Variants in HCK observed in about 807,000 individuals in gnomAD.
HCK encodes tyrosine-protein kinase HCK.
Under a neutral mutation model 70.4 loss-of-function variants are expected in HCK, and 40 were observed. The ratio of observed to expected loss-of-function variants is 0.57; its 90% CI spans 0.44 to 0.74. The LOEUF is 0.74. HCK is among the 30% of genes least tolerant of loss of function. The probability of loss-of-function intolerance (pLI) is 0.00; values close to 1 mark genes in which losing one functional copy is unlikely to be tolerated. For missense variants in HCK, 568 were observed against 697.2 expected (o/e 0.81, Z 2.09); for synonymous variants, 245 against 263.2 (o/e 0.93, Z 0.67).
chr20:32,096,804 C>T (rs2045962752), intron 11 of HCK, among the ~76,000 whole-genome samples: 1 of 152,064 alleles, frequency 6.6e-6, no homozygotes, highest in African/African-American at 2.4e-5. Flanking sequence ...GCACAGGCTG[C>T]AGTCACCTTA....
chr20:32,096,491 C>T (rs1362092293), intron 11 of HCK, among the ~76,000 whole-genome samples: 1 of 108,872 alleles, frequency 9.2e-6, no homozygotes, highest in Admixed American at 1.1e-4. Context: ...TAGAGCGAGA[C>T]TCCGTCTCAA....
At chr20:32,069,281 C>T (rs938010149) in intron 1 of HCK, among the ~76,000 whole-genome samples, 2 of 152,202 alleles carry the variant, frequency 1.3e-5, no homozygotes, top group Admixed American at 6.5e-5. Context: ...ACCCCTCCCT[C>T]GGGACCCTGT....
At position 32,071,682 on chromosome 20, in the gene HCK, A is replaced by G. The variant is rs1229373172; in HGVS notation, c.83A>G (p.Lys28Arg). ...TGCAGGATGGGGTGCATGAAGTCCAAGTTCCTCCAGGTCGGAGGCAATACA... is the reference window on the plus strand; with the variant it reads ...TGCAGGATGGGGTGCATGAAGTCCAGGTTCCTCCAGGTCGGAGGCAATACA... Residue 28 changes from lysine to arginine, a missense_variant, in exon 2 of 13, where the codon AAG (lysine) becomes AGG (arginine). By Grantham distance (26) the Lys-to-Arg change is conservative. Coordinates refer to ENST00000375852, the MANE Select transcript of HCK (RefSeq NM_002110.5). 3 of 1,614,046 alleles carry G rather than the reference A, an allele frequency of 1.9e-6. No homozygotes were observed. Among genetic ancestry groups the G allele is most frequent in the East Asian group, 4.5e-5 (2 of 44,894 alleles).
At chr20:32,095,056 C>T (rs1002994748) in intron 11 of HCK, among the ~76,000 whole-genome samples, 1 of 152,212 alleles carries the variant, frequency 6.6e-6, no homozygotes, top group Admixed American at 6.5e-5. Flanking sequence ...GGAAACAACA[C>T]TCTTTAATGT....
At chr20:32,073,614 A>G in intron 3 of HCK, 102 bp from the exon 4 acceptor site, 1 of 746,776 alleles carries the variant, frequency 1.3e-6, no homozygotes, top group South Asian at 1.7e-5. Context: ...TTGGAACCAC[A>G]TATCGATGGG....
intron 10 of HCK, 43 bp from the exon 11 acceptor site, chr20:32,093,820 T>A (rs371194110): frequency 6.4e-7 from 1 of 1,571,750 alleles, no homozygotes; most frequent in Non-Finnish European, 8.6e-7. Context: ...CATCTTGGCG[T>A]AGGCCAGGTC....
At chr20:32,059,432 T>TC (rs1555874089) in intron 1 of HCK, among the ~76,000 whole-genome samples, 1 of 147,566 alleles carries the variant, frequency 6.8e-6, no homozygotes, top group Non-Finnish European at 1.5e-5. Flanking sequence ...TTTCTTTCTT[T>TC]TTTCTTTCTT....
intron 1 of HCK, among the ~76,000 whole-genome samples, chr20:32,058,033 C>G (rs897188130): frequency 1.3e-5 from 2 of 152,190 alleles, no homozygotes; most frequent in Non-Finnish European, 2.9e-5. Flanking sequence ...TTCCAGGCAT[C>G]ACCCTGAAAT....
chr20:32,086,938 T>C (rs2122588553), intron 9 of HCK, 131 bp downstream of exon 9: 1 of 742,108 alleles, frequency 1.3e-6, no homozygotes, highest in East Asian at 3.0e-5. Flanking sequence ...CAACAAGTAC[T>C]CATTGAGAAT....
At chr20:32,062,844 G>A (rs894615005) in intron 1 of HCK, among the ~76,000 whole-genome samples, 1 of 152,184 alleles carries the variant, frequency 6.6e-6, no homozygotes, top group African/African-American at 2.4e-5. Flanking sequence ...GCACCCCCAA[G>A]GCACTGCTCA....
Position 32,094,793 on chromosome 20 carries a change from GAA to G in HCK, c.1246+779_1246+780del, listed in dbSNP as rs367924247. On this transcript the variant is annotated intron_variant, in intron 11 of 12. Coordinates refer to ENST00000375852, the MANE Select transcript of HCK (RefSeq NM_002110.5). ...AGAAAGAAAGAGAGAGAAAGAGAAA[GAA>G]AGAAAGAAAGAAAGAAAGAAAGAAA... Among the ~76,000 whole-genome samples the G allele has an allele frequency of 9.0e-3, 179 of 19,878 alleles. 2 individuals are homozygous for G. Among genetic ancestry groups the G allele is most frequent in the South Asian group, 0.045 (26 of 576 alleles). The allele number at this position is 19,878 out of a possible 152,430, so 13.0% of individuals were successfully genotyped here. A position where few individuals can be genotyped will look rare whatever the true frequency, so the allele number is the denominator to read the frequency against.
At chr20:32,094,837 G>GA (rs1183531668) in intron 11 of HCK, among the ~76,000 whole-genome samples, 4 of 113,254 alleles carry the variant, frequency 3.5e-5, no homozygotes, top group African/African-American at 1.3e-4. Context: ...AAGAAAGAAA[G>GA]AAAGAAAGAA....
chr20:32,089,602 C>A (rs1288225778), intron 10 of HCK, among the ~76,000 whole-genome samples: 2 of 152,182 alleles, frequency 1.3e-5, no homozygotes, highest in Non-Finnish European at 2.9e-5. Flanking sequence ...ATCGCAAAAA[C>A]ACTGCTGAAA....
chr20:32,083,925 C>T lies in HCK; in HGVS notation c.564C>T (p.Asp188=). 1.2e-6 allele frequency: 2 copies of T among 1,614,226 alleles called. No homozygotes were observed. The highest frequency in any genetic ancestry group is 1.7e-6 in the Non-Finnish European group (2 of 1,180,032). The change falls in exon 7 of 13, where the codon GAC becomes GAT. Residue 188 remains aspartate, a synonymous_variant. Transcript: ENST00000375852. ...ACTCTTTGTCCGTGCGAGACTACGA[C>T]CCTCGGCAGGGAGATACCGTGAAAC...
rs572966555 is a variant in HCK, at chr20:32,054,698, G to T, written c.62+2212G>T. Among the ~76,000 whole-genome samples the T allele has an allele frequency of 2.0e-3, 309 of 151,482 alleles. 1 individual carries two copies. Among genetic ancestry groups the T allele is most frequent in the African/African-American group, 7.2e-3 (297 of 41,302 alleles). Reference sequence around the variant, plus strand: ...GCGGGCGCCTGTAGTCCCAGCTACTGGGGAGGCTGAGGCAGGAGAATGGCG... The same window carrying T: ...GCGGGCGCCTGTAGTCCCAGCTACTTGGGAGGCTGAGGCAGGAGAATGGCG... On this transcript the variant is annotated intron_variant, in intron 1 of 12. Coordinates refer to ENST00000375852, the MANE Select transcript of HCK (RefSeq NM_002110.5).
In HCK at chr20:32,053,374, A is replaced by T. The variant is rs529239628; in HGVS notation, c.62+888A>T. ...CTGAAGGGGCCGGGCAGGGTGGCACACGCCTGTAATCTCAGCTTTTTGGGA... is the reference window on the plus strand; with the variant it reads ...CTGAAGGGGCCGGGCAGGGTGGCACTCGCCTGTAATCTCAGCTTTTTGGGA... On this transcript the variant is annotated intron_variant, in intron 1 of 12. Coordinates refer to ENST00000375852, the MANE Select transcript of HCK (RefSeq NM_002110.5). Among the ~76,000 whole-genome samples the T allele has an allele frequency of 1.4e-4, 21 of 152,158 alleles. 2 individuals carry two copies. The South Asian group carries it at 4.2e-3, about 30-fold the overall frequency.
intron 5 of HCK, among the ~76,000 whole-genome samples, chr20:32,078,117 C>T (rs2045654255): frequency 6.6e-6 from 1 of 151,772 alleles, no homozygotes; most frequent in South Asian, 2.1e-4. Flanking sequence ...TCACTGCAAG[C>T]TCCACCTCCC....
intron 1 of HCK, among the ~76,000 whole-genome samples, chr20:32,062,186 C>T (rs914039406): frequency 1.4e-4 from 21 of 152,024 alleles, no homozygotes; most frequent in African/African-American, 4.8e-4. Flanking sequence ...GTGATCTGCC[C>T]GCTTCAGCCT....
chr20:32,054,155 A>G, intron 1 of HCK: 1 of 439,080 alleles, frequency 2.3e-6, no homozygotes, highest in Non-Finnish European at 4.6e-6. Context: ...TAAAAGTAAC[A>G]GAAAAAATTG....
Sources: gnomAD v4.1 joint callset for allele counts (sites outside exome capture counted in the v4.1 genomes callset) on GRCh38, gnomAD v4.1.1 for gene constraint, MANE v1.5 for transcripts, NCBI Gene and HGNC (gene_info 2026-07-23, HGNC 2026-07-21) for gene names.